Variants in UNC13A observed in about 807,000 individuals in gnomAD.
UNC13A encodes unc-13 homolog A.
A neutral mutation model predicts 219.7 loss-of-function variants in UNC13A; 61 were observed. The observed-to-expected ratio is 0.28, with a 90% CI of 0.23 to 0.34. The LOEUF is 0.34. Ranked by LOEUF, UNC13A falls within the 10% of genes least tolerant of loss-of-function variation. The pLI, the probability that UNC13A is intolerant of heterozygous loss-of-function variation, is 1.00. For synonymous variants in UNC13A, 920 were observed against 884.6 expected (o/e 1.04, Z -0.71); for missense variants, 1,476 against 2,270.3 (o/e 0.65, Z 7.11).
At chr19:17,612,219 GC>G (rs2076611825) in intron 41 of UNC13A, 2 of 180,086 alleles carry the variant, frequency 1.1e-5, no homozygotes, top group Admixed American at 6.1e-5. Context: ...CCTCTTGGCT[GC>G]AACAATGTCA....
At chr19:17,669,970 A>G (rs8110798) in intron 4 of UNC13A, among the ~76,000 whole-genome samples, 117,621 of 137,478 alleles carry the variant, frequency 0.86, 50,670 homozygotes, top group Middle Eastern at 0.93. Context: ...TTTTTGAGAC[A>G]GAGTCTCGCT....
At chr19:17,616,476 T>TG in intron 41 of UNC13A, 2 of 189,954 alleles carry the variant, frequency 1.1e-5, no homozygotes, top group Admixed American at 1.7e-4. Flanking sequence ...TAATTGGGGG[T>TG]GGGGGTGGAA....
At chr19:17,669,464 TA>T in intron 5 of UNC13A, 88 bp downstream of exon 5, 1 of 1,493,274 alleles carries the variant, frequency 6.7e-7, no homozygotes, top group Admixed American at 2.0e-5. Flanking sequence ...CAGCTAGACC[TA>T]CCCAGGCCTG....
At chr19:17,611,703 AG>A in intron 42 of UNC13A, 59 bp downstream of exon 42, 1 of 1,475,868 alleles carries the variant, frequency 6.8e-7, no homozygotes, top group Non-Finnish European at 9.5e-7. Flanking sequence ...TGCTTAAGCC[AG>A]TTTGAGTTTG....
Position 17,633,093 on chromosome 19 carries a change from G to A in UNC13A, c.3301+15C>T. The A allele has an allele frequency of 1.2e-6, 2 of 1,613,870 alleles. No individual in the cohort carries two copies. Among genetic ancestry groups the A allele is most frequent in the Non-Finnish European group, 1.7e-6 (2 of 1,179,800 alleles). ...GGTGTGGCCAGGCTGGGGAACACTG[G>A]GGTGGGAAACTCACCCTCCATGGCG... On this transcript the variant is annotated intron_variant, in intron 27 of 43. Coordinates refer to ENST00000519716, the MANE Select transcript of UNC13A (RefSeq NM_001080421.3).
At chr19:17,608,642 C>T (rs928752898) in intron 43 of UNC13A, among the ~76,000 whole-genome samples, 8 of 150,766 alleles carry the variant, frequency 5.3e-5, no homozygotes, top group Non-Finnish European at 1.0e-4. Flanking sequence ...CTCAGCCTCC[C>T]GAGTAGCTGG....
At chr19:17,644,280 C>CG (rs2077000738) in intron 19 of UNC13A, among the ~76,000 whole-genome samples, 1 of 151,628 alleles carries the variant, frequency 6.6e-6, no homozygotes, top group African/African-American at 2.4e-5. Context: ...CTTCAACCTC[C>CG]CAGGTACAAA....
At chr19:17,654,059 C>T (rs1374727957) in intron 11 of UNC13A, among the ~76,000 whole-genome samples, 1 of 151,260 alleles carries the variant, frequency 6.6e-6, no homozygotes, top group East Asian at 2.0e-4. Context: ...GATCTCCTGA[C>T]CTCGTGATCC....
At chr19:17,671,418 T>G (rs1409442983) in intron 4 of UNC13A, among the ~76,000 whole-genome samples, 1 of 151,882 alleles carries the variant, frequency 6.6e-6, no homozygotes, top group Non-Finnish European at 1.5e-5. Context: ...GGGGTCAGCA[T>G]GGAGAGGTTG....
chr19:17,634,856 G>A (rs944024060), intron 26 of UNC13A, among the ~76,000 whole-genome samples: 3 of 151,636 alleles, frequency 2.0e-5, no homozygotes, highest in Non-Finnish European at 4.4e-5. Context: ...CACCACGCCC[G>A]GTTAATTTTT....
chr19:17,621,269 A>C (rs1467894986), intron 37 of UNC13A, among the ~76,000 whole-genome samples: 1 of 152,126 alleles, frequency 6.6e-6, no homozygotes, highest in Non-Finnish European at 1.5e-5. Context: ...GGTGCCTGGG[A>C]CACTGAATGT....
rs536358756 is a variant in UNC13A at position 17,623,502 on chromosome 19, G to A, written c.4203+40C>T. Reference sequence around the variant, plus strand: ...GCGGTGGGCCGAGTCCAGACACAGAGAGGACGGACAGACAGACGGACAGAC... The same window carrying A: ...GCGGTGGGCCGAGTCCAGACACAGAAAGGACGGACAGACAGACGGACAGAC... On this transcript the variant is annotated intron_variant, in intron 36 of 43. Transcript: ENST00000519716. 6.6e-6 allele frequency: 10 copies of A among 1,522,746 alleles called. No homozygotes were observed. In the African/African-American group the frequency reaches 1.1e-4, roughly 17 times the overall value. 94.3% of individuals were successfully genotyped at this position (1,522,746 alleles called of 1,614,324 possible). A position where few individuals can be genotyped will look rare whatever the true frequency, so the allele number is the denominator to read the frequency against.
chr19:17,634,318 A>G (rs2076889787), intron 26 of UNC13A, among the ~76,000 whole-genome samples: 1 of 152,036 alleles, frequency 6.6e-6, no homozygotes, highest in Non-Finnish European at 1.5e-5. Context: ...TTACCCATCC[A>G]TCTGTCCACC....
At chr19:17,680,735 T>C (rs570760698) in intron 1 of UNC13A, among the ~76,000 whole-genome samples, 28 of 152,092 alleles carry the variant, frequency 1.8e-4, no homozygotes, top group Non-Finnish European at 4.4e-5. Flanking sequence ...GTGTCATTTA[T>C]ACTATTATTA....
chr19:17,626,931 C>A, intron 33 of UNC13A, 146 bp from the exon 34 acceptor site: 1 of 1,269,842 alleles, frequency 7.9e-7, no homozygotes, highest in East Asian at 2.7e-5. Flanking sequence ...CGGTGGCTCA[C>A]GCCTTTAATC....
chr19:17,672,290 G>T, intron 4 of UNC13A, 88 bp downstream of exon 4: 1 of 1,043,426 alleles, frequency 9.6e-7, no homozygotes, highest in Middle Eastern at 2.0e-4. Context: ...GGGGATAGGA[G>T]ATAAATGCCC....
chr19:17,616,738 C>G (rs1446187807), intron 41 of UNC13A, among the ~76,000 whole-genome samples: 2 of 152,164 alleles, frequency 1.3e-5, no homozygotes, highest in Non-Finnish European at 2.9e-5. Flanking sequence ...ACCCAGCGCC[C>G]ACGGAGGGCC....
At chr19:17,646,387 G>GGGATTACCC (rs2077026960) in intron 17 of UNC13A, among the ~76,000 whole-genome samples, 1 of 152,028 alleles carries the variant, frequency 6.6e-6, no homozygotes, top group African/African-American at 2.4e-5. Flanking sequence ...CCAAGTAGCT[G>GGGATTACCC]GGATTACCCG....
chr19:17,686,052 A>C (rs1599426396), intron 1 of UNC13A, among the ~76,000 whole-genome samples: 4 of 136,328 alleles, frequency 2.9e-5, no homozygotes, highest in South Asian at 2.4e-4. Flanking sequence ...CCAACCTCAC[A>C]CCTCCCTTTA....
Sources: gnomAD v4.1 joint callset for allele counts (sites outside exome capture counted in the v4.1 genomes callset) on GRCh38, gnomAD v4.1.1 for gene constraint, MANE v1.5 for transcripts, NCBI Gene and HGNC (gene_info 2026-07-23, HGNC 2026-07-21) for gene names.